The following FSTL4 variants were observed in gnomAD, a reference collection of about 807,000 sequenced individuals.
The protein encoded by FSTL4 is follistatin-related protein 4.
Under a neutral mutation model 78.2 loss-of-function variants are expected in FSTL4, and 28 were observed. The observed-to-expected ratio is 0.36, with a 90% CI of 0.27 to 0.49. The LOEUF (loss-of-function observed/expected upper bound fraction) is 0.49, where lower values mean the gene tolerates loss of function less well. FSTL4 is among the 20% of genes least tolerant of loss of function. The pLI is 0.98. For missense variants in FSTL4, 922 were observed against 1,084.9 expected, an observed-to-expected ratio of 0.85 and a Z score of 2.11; for synonymous variants, 422 against 440.5, an observed-to-expected ratio of 0.96 and a Z score of 0.53.
intron 3 of FSTL4, among the ~76,000 whole-genome samples, chr5:133,562,306 C>T (rs1164233535): frequency 2.0e-5 from 3 of 152,180 alleles, no homozygotes; most frequent in South Asian, 2.1e-4. Flanking sequence ...ATCCAGAAAA[C>T]ATCTGCTACA....
chr5:133,737,941 A>T, the FSTL4 span, among the ~76,000 whole-genome samples: 1 of 151,992 alleles, frequency 6.6e-6, no homozygotes, highest in Non-Finnish European at 1.5e-5. Flanking sequence ...GGTAATGAAC[A>T]TGGGGATTTT....
At chr5:133,555,616 G>A (rs1759770217) in intron 3 of FSTL4, among the ~76,000 whole-genome samples, 1 of 152,086 alleles carries the variant, frequency 6.6e-6, no homozygotes, top group Admixed American at 6.5e-5. Flanking sequence ...CGTATAAAGG[G>A]GAAAAAAGTA....
At chr5:133,422,904 G>A (rs1432487551) in intron 3 of FSTL4, among the ~76,000 whole-genome samples, 3 of 152,152 alleles carry the variant, frequency 2.0e-5, no homozygotes, top group Non-Finnish European at 2.9e-5. Flanking sequence ...TTCCTTTATG[G>A]CTGCAAGTTG....
intron 4 of FSTL4, among the ~76,000 whole-genome samples, chr5:133,349,932 T>C (rs909892034): frequency 6.8e-6 from 1 of 148,042 alleles, no homozygotes; most frequent in Admixed American, 6.7e-5. Context: ...GCCATGCGAC[T>C]GTAAAGGACC....
rs139227004 is a variant in FSTL4, at chr5:133,309,036, G to A, written c.727+3618C>T. ...TGAGAAAAATCCTTGTTTTAGCAAC[G>A]TGTTTTCCCCTGATCCCAACCTGAG... On this transcript the variant is annotated intron_variant, in intron 6 of 15. Transcript: ENST00000265342. Among the ~76,000 whole-genome samples, 209 of 152,304 alleles carry A rather than the reference G, an allele frequency of 1.4e-3. 1 individual carries two copies. Among genetic ancestry groups the A allele is most frequent in the African/African-American group, 4.7e-3 (197 of 41,568 alleles).
the FSTL4 span, among the ~76,000 whole-genome samples, chr5:133,660,757 C>T: frequency 1.3e-5 from 2 of 152,176 alleles, no homozygotes; most frequent in Admixed American, 1.3e-4. Flanking sequence ...TTTTCTTTTA[C>T]ACACAGTCAT....
intron 15 of FSTL4, among the ~76,000 whole-genome samples, chr5:133,200,784 T>C (rs1223525746): frequency 1.3e-5 from 2 of 152,182 alleles, no homozygotes; most frequent in Non-Finnish European, 2.9e-5. Context: ...TAGTTTTCTC[T>C]AGAAAAACTG....
At chr5:133,648,544 T>C in the FSTL4 span, among the ~76,000 whole-genome samples, 2 of 152,122 alleles carry the variant, frequency 1.3e-5, no homozygotes, top group Non-Finnish European at 2.9e-5. Flanking sequence ...CAACCCCCTA[T>C]GGTACATCCA....
intron 6 of FSTL4, among the ~76,000 whole-genome samples, chr5:133,291,185 G>A (rs1057462336): frequency 1.3e-5 from 2 of 152,154 alleles, no homozygotes; most frequent in Non-Finnish European, 2.9e-5. Flanking sequence ...GGGGAAGAGC[G>A]GGCCGTTGAG....
intron 3 of FSTL4, among the ~76,000 whole-genome samples, chr5:133,487,035 C>T (rs191695732): frequency 2.5e-4 from 38 of 152,282 alleles, no homozygotes; most frequent in South Asian, 4.1e-4. Flanking sequence ...TGGAGTGCCA[C>T]TTACTTATAT....
At chr5:133,260,202 C>T (rs1166265479) in intron 6 of FSTL4, among the ~76,000 whole-genome samples, 2 of 152,206 alleles carry the variant, frequency 1.3e-5, no homozygotes, top group East Asian at 3.9e-4. Context: ...CAGAGCCTCC[C>T]CTACTGCATC....
At chr5:133,666,084 TAA>T in the FSTL4 span, among the ~76,000 whole-genome samples, 3 of 141,472 alleles carry the variant, frequency 2.1e-5, no homozygotes, top group Admixed American at 7.1e-5. Flanking sequence ...CTTGCCAATT[TAA>T]AAAAAAAAAA....
intron 3 of FSTL4, among the ~76,000 whole-genome samples, chr5:133,566,208 A>C (rs1760023686): frequency 6.6e-6 from 1 of 152,198 alleles, no homozygotes; most frequent in Non-Finnish European, 1.5e-5. Flanking sequence ...AGCTGGACTC[A>C]ATATAGTGTG....
Position 133,225,864 on chromosome 5 carries a change from C to T in FSTL4, c.1016-45G>A, listed in dbSNP as rs190893004. ...CTGGTGAGAAAGAGACGGCCCTGAC[C>T]TGGACTTGGGCCTGTGGCCCAACCT... On this transcript the variant is annotated intron_variant, in intron 8 of 15. Coordinates refer to ENST00000265342, the MANE Select transcript of FSTL4 (RefSeq NM_015082.2). The surrounding 1 kb of genome is among the most constrained non-coding windows in gnomAD (Gnocchi z 4.6). The T allele has an allele frequency of 1.2e-3, 1,811 of 1,462,934 alleles. 1 individual carries two copies. Among genetic ancestry groups the T allele is most frequent in the Admixed American group, 2.2e-3 (90 of 40,426 alleles). The allele number at this position is 1,462,934 out of a possible 1,614,324, so 90.6% of individuals were successfully genotyped here.
chr5:133,831,400 A>T, the FSTL4 span, among the ~76,000 whole-genome samples: 1 of 151,416 alleles, frequency 6.6e-6, no homozygotes, highest in Admixed American at 6.6e-5. Flanking sequence ...CTTTCTATAA[A>T]TCCACCAGCT....
chr5:133,572,265 G>GC (rs1485361058), intron 2 of FSTL4, among the ~76,000 whole-genome samples: 1 of 152,132 alleles, frequency 6.6e-6, no homozygotes, highest in Non-Finnish European at 1.5e-5. Flanking sequence ...GCCATCTTTA[G>GC]TTTTTAATTT....
the FSTL4 span, among the ~76,000 whole-genome samples, chr5:133,705,549 C>T: frequency 6.6e-6 from 1 of 152,116 alleles, no homozygotes; most frequent in Non-Finnish European, 1.5e-5. Flanking sequence ...GCCATAAATC[C>T]TTCTCACAGG....
chr5:133,581,763 G>A (rs1760415771), intron 2 of FSTL4, among the ~76,000 whole-genome samples: 1 of 152,226 alleles, frequency 6.6e-6, no homozygotes, highest in Non-Finnish European at 1.5e-5. Context: ...CTCTGGGGGT[G>A]GGACACAGGC....
chr5:133,412,222 G>A (rs1339813423), intron 3 of FSTL4, among the ~76,000 whole-genome samples: 1 of 152,116 alleles, frequency 6.6e-6, no homozygotes, highest in Admixed American at 6.5e-5. Context: ...ACTGTAGGGG[G>A]ATGTGCCTTC....
Sources: gnomAD v4.1 joint callset for allele counts (sites outside exome capture counted in the v4.1 genomes callset) on GRCh38, gnomAD v4.1.1 for gene constraint, Gnocchi (gnomAD v3.1) non-coding constraint, MANE v1.5 for transcripts, NCBI Gene and HGNC (gene_info 2026-07-23, HGNC 2026-07-21) for gene names.